KCNMA1: variants seen among roughly 807,000 people sequenced by gnomAD.
KCNMA1 encodes the protein Calcium-activated potassium channel subunit alpha-1.
KCNMA1 carries 29 observed loss-of-function variants against 140.0 expected under a neutral mutation model. The observed-to-expected ratio is 0.21, with a 90% CI of 0.15 to 0.28. KCNMA1 has a LOEUF of 0.28. Among genes scored for constraint, KCNMA1 ranks in the 10% least tolerant of loss-of-function variants. KCNMA1 has a pLI of 1.00. For synonymous variants in KCNMA1, 612 were observed against 611.9 expected, an observed-to-expected ratio of 1.00 and a Z score of 0.00; for missense variants, 880 against 1,602.2, an observed-to-expected ratio of 0.55 and a Z score of 7.70.
chr10:77,262,648 G>T (rs1388207872), intron 2 of KCNMA1, among the ~76,000 whole-genome samples: 6 of 151,894 alleles, frequency 4.0e-5, no homozygotes, highest in African/African-American at 1.5e-4. Flanking sequence ...TGAGAGATAT[G>T]ATTGTTTAAA....
intron 19 of KCNMA1, chr10:76,977,469 T>C: frequency 1.5e-6 from 1 of 680,592 alleles, no homozygotes; most frequent in Non-Finnish European, 2.7e-6. Context: ...GCTGCTTCCA[T>C]CTCTAACGAC....
chr10:77,171,060 A>T (rs1019075484), intron 5 of KCNMA1, among the ~76,000 whole-genome samples: 10 of 152,224 alleles, frequency 6.6e-5, no homozygotes, highest in African/African-American at 2.4e-4. Flanking sequence ...CTTGCATAGC[A>T]GCTACAACTA....
At chr10:77,397,375 A>C (rs10824539) in intron 2 of KCNMA1, among the ~76,000 whole-genome samples, 32,116 of 152,194 alleles carry the variant, frequency 0.21, 4,091 homozygotes, top group Non-Finnish European at 0.3. Flanking sequence ...TTGACATATA[A>C]TAGTGTACAT....
intron 1 of KCNMA1, among the ~76,000 whole-genome samples, chr10:77,483,338 C>G (rs896365273): frequency 6.6e-6 from 1 of 152,236 alleles, no homozygotes; most frequent in Non-Finnish European, 1.5e-5. Flanking sequence ...CATGTCACAG[C>G]AGAGCCCAGC....
intron 2 of KCNMA1, among the ~76,000 whole-genome samples, chr10:77,296,918 G>GGA (rs34224383): frequency 0.21 from 30,010 of 143,138 alleles, 4,026 homozygotes; most frequent in Non-Finnish European, 0.32. Flanking sequence ...TGGGCGGGGG[G>GGA]GCGGTGGGGG....
intron 19 of KCNMA1, among the ~76,000 whole-genome samples, chr10:76,993,470 TA>T (rs2083338496): frequency 6.6e-6 from 1 of 152,188 alleles, no homozygotes; most frequent in South Asian, 2.1e-4. Flanking sequence ...AGCCACTAAT[TA>T]AACTGTCTTT....
chr10:77,063,744 A>G (rs2095841852), intron 14 of KCNMA1: 1 of 985,372 alleles, frequency 1.0e-6, no homozygotes, highest in Non-Finnish European at 1.2e-6. Flanking sequence ...ACAATCACTA[A>G]CAGTGGATGG....
rs2037103988 is a variant in KCNMA1 at position 76,886,663 on chromosome 10, C to T, written c.*603G>A. On this transcript the variant is annotated 3_prime_UTR_variant, in exon 28 of 28. Transcript: ENST00000286628. The stretch of plus-strand genomic sequence containing the variant: ...TAACTAAAAAAATCACTGATGTTCT[C>T]TTGCAACAAGCAGGTCCTTCATAAT... 1.0e-6 allele frequency: 1 copy of T among 992,524 alleles called. No individual in the cohort carries two copies. Among genetic ancestry groups the T allele is most frequent in the Admixed American group, 5.6e-5 (1 of 17,762 alleles). 61.5% of individuals were successfully genotyped at this position (992,524 alleles called of 1,614,324 possible). A position where few individuals can be genotyped will look rare whatever the true frequency, so the allele number is the denominator to read the frequency against.
intron 14 of KCNMA1, among the ~76,000 whole-genome samples, chr10:77,056,487 T>A (rs1382454455): frequency 6.6e-6 from 1 of 151,870 alleles, no homozygotes; most frequent in Non-Finnish European, 1.5e-5. Context: ...TAAACAAGAA[T>A]CAGAGTTTCA....
intron 5 of KCNMA1, among the ~76,000 whole-genome samples, chr10:77,155,200 A>G (rs993718288): frequency 1.3e-5 from 2 of 152,194 alleles, no homozygotes; most frequent in Non-Finnish European, 2.9e-5. Flanking sequence ...AAGGGTTGAC[A>G]TTTTAAAAGA....
intron 3 of KCNMA1, among the ~76,000 whole-genome samples, chr10:77,214,421 T>C (rs1309686707): frequency 6.6e-6 from 1 of 152,068 alleles, no homozygotes; most frequent in Non-Finnish European, 1.5e-5. Context: ...GCACATCCTC[T>C]GCCTCTTCAT....
chr10:77,554,597 C>CAAAAAAAAAA (rs59754706), intron 1 of KCNMA1, among the ~76,000 whole-genome samples: 1 of 84,098 alleles, frequency 1.2e-5, no homozygotes, highest in Admixed American at 1.4e-4. Context: ...TACTCCATCT[C>CAAAAAAAAAA]AAAAAAAAAA....
chr10:77,146,783 AC>A (rs35736592), intron 5 of KCNMA1, among the ~76,000 whole-genome samples: 57,719 of 149,832 alleles, frequency 0.39, 12,310 homozygotes, highest in East Asian at 0.87. Flanking sequence ...AGGGGCTGTG[AC>A]AATAAATTGA....
intron 1 of KCNMA1, among the ~76,000 whole-genome samples, chr10:77,596,588 C>T (rs749659994): frequency 3.2e-4 from 48 of 152,262 alleles, no homozygotes; most frequent in Middle Eastern, 3.4e-3. Context: ...GATTTACATG[C>T]GCACAAGAAG....
At chr10:77,187,763 C>G (rs1416319989) in intron 3 of KCNMA1, among the ~76,000 whole-genome samples, 1 of 152,050 alleles carries the variant, frequency 6.6e-6, no homozygotes, top group Non-Finnish European at 1.5e-5. Context: ...CCACTACAGC[C>G]CCAGGAGAAA....
chr10:77,377,400 G>T (rs999415841), intron 2 of KCNMA1, among the ~76,000 whole-genome samples: 1 of 152,156 alleles, frequency 6.6e-6, no homozygotes, highest in Non-Finnish European at 1.5e-5. Flanking sequence ...AGAGCTGCTG[G>T]GTCCTTCCCC....
chr10:77,100,433 G>C (rs888962795), intron 9 of KCNMA1, among the ~76,000 whole-genome samples: 1 of 152,168 alleles, frequency 6.6e-6, no homozygotes, highest in African/African-American at 2.4e-5. Flanking sequence ...CAGTCCCTGT[G>C]GTTCTGGGGG....
chr10:76,945,768 T>C (rs1325121666), intron 22 of KCNMA1, among the ~76,000 whole-genome samples: 2 of 151,042 alleles, frequency 1.3e-5, no homozygotes, highest in East Asian at 3.9e-4. Flanking sequence ...AAAAAAAAAG[T>C]TCTACAGCAG....
chr10:77,249,442 G>C (rs752826021), intron 3 of KCNMA1: 3 of 151,874 alleles, frequency 2.0e-5, no homozygotes, highest in Non-Finnish European at 4.4e-5. Context: ...CATCTAAAGA[G>C]CATTTTATTT....
Sources: gnomAD v4.1 joint callset for allele counts (sites outside exome capture counted in the v4.1 genomes callset) on GRCh38, gnomAD v4.1.1 for gene constraint, MANE v1.5 for transcripts, NCBI Gene and HGNC (gene_info 2026-07-23, HGNC 2026-07-21) for gene names.